XKR4: variants seen among roughly 807,000 people sequenced by gnomAD.
XKR4 encodes XK related 4.
A neutral mutation model predicts 53.9 loss-of-function variants in XKR4; 12 were observed. The observed-to-expected ratio is 0.22, with a 90% confidence interval of 0.14 to 0.36. The LOEUF is 0.36. XKR4 is among the 10% of genes least tolerant of loss of function. The pLI, the probability that XKR4 is intolerant of heterozygous loss-of-function variation, is 1.00. For missense variants in XKR4, 799 were observed against 859.5 expected, an observed-to-expected ratio of 0.93 and a Z score of 0.88; for synonymous variants, 354 against 362.4, an observed-to-expected ratio of 0.98 and a Z score of 0.26.
At chr8:55,135,700 A>G (rs764034252) in intron 1 of XKR4, 1 of 455,842 alleles carries the variant, frequency 2.2e-6, no homozygotes. Context: ...TTTCCAGTTT[A>G]TGCCCATTAC....
At position 55,309,838 on chromosome 8, in the gene XKR4, A is replaced by C. The variant is rs533048362; in HGVS notation, c.807-47840A>C. ...CTATGGATTGCCTTAGTTAAAACCT[A>C]GAATGTAGGGACAAAGCTATCTAAT... On this transcript the variant is annotated intron_variant, in intron 1 of 2. Transcript: ENST00000327381. Among the ~76,000 whole-genome samples, 30 of 152,350 alleles carry C rather than the reference A, an allele frequency of 2.0e-4. No individual in the cohort carries two copies. The South Asian group carries it at 6.2e-3, about 32-fold the overall frequency.
chr8:55,500,330 A>C (rs188298849), intron 2 of XKR4, among the ~76,000 whole-genome samples: 145 of 152,288 alleles, frequency 9.5e-4, no homozygotes, highest in Non-Finnish European at 1.8e-3. Flanking sequence ...CCAGTATTGA[A>C]AGCCATATTC....
chr8:55,491,080 C>T (rs1170941911), intron 2 of XKR4, among the ~76,000 whole-genome samples: 3 of 152,140 alleles, frequency 2.0e-5, no homozygotes, highest in Non-Finnish European at 4.4e-5. Flanking sequence ...TATTCAAGCT[C>T]ACTGACTTTA....
intron 2 of XKR4, among the ~76,000 whole-genome samples, chr8:55,458,605 GA>G (rs1421821941): frequency 2.6e-5 from 4 of 152,238 alleles, no homozygotes; most frequent in African/African-American, 9.6e-5. Flanking sequence ...TATTGCCAAT[GA>G]AAGTGGCTCT....
chr8:55,513,410 C>T (rs1806659788), intron 2 of XKR4, among the ~76,000 whole-genome samples: 1 of 152,180 alleles, frequency 6.6e-6, no homozygotes. Context: ...AGGCTTTGGC[C>T]AGCATGGTCA....
intron 2 of XKR4, among the ~76,000 whole-genome samples, chr8:55,482,096 C>T (rs143515054): frequency 2.2e-4 from 34 of 151,902 alleles, no homozygotes; most frequent in South Asian, 4.2e-4. Flanking sequence ...CACATGCACA[C>T]GTATGTTTAT....
intron 1 of XKR4, among the ~76,000 whole-genome samples, chr8:55,292,529 T>G (rs1020885860): frequency 4.2e-4 from 64 of 152,176 alleles, no homozygotes; most frequent in African/African-American, 1.5e-3. Flanking sequence ...TGGTAATGTG[T>G]GTTCTCTCTT....
intron 2 of XKR4, among the ~76,000 whole-genome samples, chr8:55,482,602 A>G (rs1241558219): frequency 6.6e-6 from 1 of 152,122 alleles, no homozygotes; most frequent in African/African-American, 2.4e-5. Context: ...CCTGAATAGA[A>G]AAGTATTATT....
rs149646206 is a variant in XKR4, at chr8:55,339,916, G to T, written c.807-17762G>T. ...TATTCCCTAAATAAAGCATGAAATC[G>T]GTTGGATTTTCCTCTATGACCTGAA... On this transcript the variant is annotated intron_variant, in intron 1 of 2. Coordinates refer to ENST00000327381, the MANE Select transcript of XKR4 (RefSeq NM_052898.2). Among the ~76,000 whole-genome samples the T allele has an allele frequency of 2.0e-5, 3 of 152,102 alleles. No homozygotes were observed. In the South Asian group the frequency reaches 6.2e-4, roughly 32 times the overall value.
chr8:55,421,627 A>G (rs1345389052), intron 2 of XKR4, among the ~76,000 whole-genome samples: 1 of 152,198 alleles, frequency 6.6e-6, no homozygotes, highest in Non-Finnish European at 1.5e-5. Context: ...TAGTTATTTA[A>G]CAAATTTAGG....
chr8:55,127,858 G>C (rs1016783768), intron 1 of XKR4, among the ~76,000 whole-genome samples: 7 of 151,490 alleles, frequency 4.6e-5, no homozygotes, highest in Non-Finnish European at 1.5e-5. Flanking sequence ...GCGATAGTTT[G>C]CTGAGAATGA....
At chr8:55,289,878 AAG>A (rs1491184765) in intron 1 of XKR4, among the ~76,000 whole-genome samples, 2 of 29,486 alleles carry the variant, frequency 6.8e-5, no homozygotes, top group Admixed American at 5.8e-4. Flanking sequence ...GAAAGAAAGA[AAG>A]AAAGAAAGAA....
chr8:55,248,524 A>T (rs544804730), intron 1 of XKR4, among the ~76,000 whole-genome samples: 1 of 152,366 alleles, frequency 6.6e-6, no homozygotes, highest in South Asian at 2.1e-4. Context: ...TATCAAAACA[A>T]TACGTAACAC....
At chr8:55,135,556 A>T (rs778408757) in intron 1 of XKR4, 12 of 454,430 alleles carry the variant, frequency 2.6e-5, no homozygotes. Flanking sequence ...ACAGTCCAAC[A>T]TGTCCATTGC....
intron 2 of XKR4, chr8:55,451,875 T>C (rs990669130): frequency 1.2e-6 from 1 of 854,106 alleles, no homozygotes. Flanking sequence ...ACGGGGTCAG[T>C]GTGCTGGGCT....
chr8:55,240,979 T>C (rs1205780279), intron 1 of XKR4, among the ~76,000 whole-genome samples: 1 of 152,200 alleles, frequency 6.6e-6, no homozygotes, highest in African/African-American at 2.4e-5. Flanking sequence ...AACAGATGAC[T>C]TCACATGGTA....
intron 1 of XKR4, among the ~76,000 whole-genome samples, chr8:55,351,995 A>G (rs1803731208): frequency 1.3e-5 from 2 of 152,268 alleles, no homozygotes; most frequent in Non-Finnish European, 2.9e-5. Flanking sequence ...CTTATTAATC[A>G]TCAGAAACTG....
rs1805406419 is a variant in XKR4, at chr8:55,449,902, G to A, written c.1007-73379G>A. On this transcript the variant is annotated intron_variant, in intron 2 of 2. Transcript: ENST00000327381. Reference sequence around the variant, plus strand: ...GGTGCTGCCGCAGGCAGCCTGGCGGGAGCCAGATGCGGTCGAGCCTCTATT... The same window carrying A: ...GGTGCTGCCGCAGGCAGCCTGGCGGAAGCCAGATGCGGTCGAGCCTCTATT... 6 of 885,382 alleles carry A rather than the reference G, an allele frequency of 6.8e-6. No homozygotes were observed. The South Asian group carries it at 7.9e-5, about 12-fold the overall frequency. The allele number at this position is 885,382 out of a possible 1,614,324, so 54.8% of individuals were successfully genotyped here. A position where few individuals can be genotyped will look rare whatever the true frequency, so the allele number is the denominator to read the frequency against.
intron 1 of XKR4, among the ~76,000 whole-genome samples, chr8:55,160,331 A>G (rs908638376): frequency 6.6e-6 from 1 of 152,224 alleles, no homozygotes; most frequent in South Asian, 2.1e-4. Context: ...TTGCAATATA[A>G]GCTGGAAAGG....
Sources: gnomAD v4.1 joint callset for allele counts (sites outside exome capture counted in the v4.1 genomes callset) on GRCh38, gnomAD v4.1.1 for gene constraint, MANE v1.5 for transcripts, NCBI Gene and HGNC (gene_info 2026-07-23, HGNC 2026-07-21) for gene names.